AR: variants seen among roughly 807,000 people sequenced by gnomAD.
AR encodes dihydrotestosterone receptor.
A neutral mutation model predicts 53.9 loss-of-function variants in AR; 8 were observed. The observed-to-expected ratio is 0.15, with a 90% CI of 0.09 to 0.27. The LOEUF (loss-of-function observed/expected upper bound fraction) is 0.27. Ranked by LOEUF, AR falls within the 10% of genes least tolerant of loss-of-function variation. AR has a pLI of 1.00. For synonymous variants in AR, 359 were observed against 316.4 expected, an observed-to-expected ratio of 1.13 and a Z score of -1.43; for missense variants, 639 against 742.5, an observed-to-expected ratio of 0.86 and a Z score of 1.62.
intron 1 of AR, among the ~76,000 whole-genome samples, chrX:67,629,167 G>A (rs1360385436): frequency 9.1e-6 from 1 of 110,172 alleles, no homozygotes; most frequent in African/African-American, 3.3e-5. Context: ...GAGTTAGGGA[G>A]GATTCCCTCT....
At chrX:67,569,078 G>T (rs1921687893) in intron 1 of AR, 6 of 1,158,705 alleles carry the variant, frequency 5.2e-6, no homozygotes, top group South Asian at 1.8e-5. Context: ...AGTGAGTGTT[G>T]TAAGGTTTGG....
chrX:67,545,969 G>A lies in AR; in HGVS notation c.823G>A (p.Val275Ile), dbSNP rs2147318638. 1 of 1,212,443 alleles carries A rather than the reference G, an allele frequency of 8.2e-7. No individual in the cohort carries two copies. The highest frequency in any genetic ancestry group is 1.1e-6 in the Non-Finnish European group (1 of 895,654). The part of the protein sequence containing the change: ...GDCMYAPLLG[V>I]PPAVRPTPCA... ...TTGCATGTACGCCCCACTTTTGGGA[G>A]TTCCACCCGCTGTGCGTCCCACTCC... Residue 275 changes from valine to isoleucine, a missense_variant, in exon 1 of 8, where the codon GTT becomes ATT. Val to Ile is a conservative substitution (Grantham distance 29). Transcript: ENST00000374690.
chrX:67,641,986 A>G (rs1925799849), intron 1 of AR, among the ~76,000 whole-genome samples: 1 of 110,386 alleles, frequency 9.1e-6, no homozygotes, highest in Non-Finnish European at 1.9e-5. Flanking sequence ...TTGTAATCAA[A>G]TTGTCCTGCA....
Position 67,544,790 on chromosome X carries a change from A to G in AR, c.-357A>G. ...GCCGAAATAAAAGAAAAAGATAATA[A>G]CTCAGTTCTTATTTGCACCTACTTC... On this transcript the variant is annotated 5_prime_UTR_variant, in exon 1 of 8. Transcript: ENST00000374690. The G allele has an allele frequency of 5.0e-6, 1 of 201,059 alleles. No homozygotes were observed. Among genetic ancestry groups the G allele is most frequent in the Non-Finnish European group, 9.1e-6 (1 of 109,476 alleles). The allele number at this position is 201,059 out of a possible 1,213,427, so 16.6% of individuals were successfully genotyped here.
intron 1 of AR, among the ~76,000 whole-genome samples, chrX:67,633,913 G>A (rs1029782363): frequency 3.6e-5 from 4 of 111,943 alleles, no homozygotes; most frequent in Admixed American, 9.5e-5. Flanking sequence ...GGAGGAGACA[G>A]TATGAGGAGT....
chrX:67,699,678 A>G (rs60244621), intron 3 of AR, among the ~76,000 whole-genome samples: 15,787 of 109,861 alleles, frequency 0.14, 1,606 homozygotes, highest in African/African-American at 0.34. Flanking sequence ...AATCTCGGGG[A>G]CCGTCTTAGA....
chrX:67,664,831 C>G (rs996152865), intron 2 of AR, among the ~76,000 whole-genome samples: 1 of 112,571 alleles, frequency 8.9e-6, no homozygotes, highest in Non-Finnish European at 1.9e-5. Context: ...ACCCCTCCCC[C>G]AGCCTCGCTG....
intron 3 of AR, among the ~76,000 whole-genome samples, chrX:67,700,887 T>C (rs150392223): frequency 5.6e-4 from 63 of 112,189 alleles, no homozygotes; most frequent in African/African-American, 1.9e-3. Flanking sequence ...GATCTCACTG[T>C]CACCAATTGC....
At position 67,663,192 on chromosome X, in the gene AR, G is replaced by C. The variant is rs188608612; in HGVS notation, c.1768+19785G>C. On this transcript the variant is annotated intron_variant, in intron 2 of 7. Coordinates refer to ENST00000374690, the MANE Select transcript of AR (RefSeq NM_000044.6). ...ATGATGTTAGCTGGTTATTTTGCTC[G>C]TTAGTTGATGCAGTTTCTTCCTAGC... Among the ~76,000 whole-genome samples the C allele has an allele frequency of 3.2e-4, 36 of 111,534 alleles. 2 individuals are homozygous for C. The highest frequency in any genetic ancestry group is 3.0e-3 in the Admixed American group (31 of 10,467).
At chrX:67,694,415 A>G (rs1199338768) in intron 3 of AR, among the ~76,000 whole-genome samples, 2 of 109,863 alleles carry the variant, frequency 1.8e-5, no homozygotes, top group Non-Finnish European at 3.8e-5. Flanking sequence ...ATGTATATAT[A>G]TAGTATATTT....
intron 1 of AR, among the ~76,000 whole-genome samples, chrX:67,556,877 A>T (rs2061787285): frequency 9.0e-6 from 1 of 111,462 alleles, no homozygotes; most frequent in South Asian, 3.8e-4. Context: ...ACTTGCTGTG[A>T]TGGAGGACAA....
Position 67,545,198 on chromosome X carries a change from AC to A in AR, c.54del (p.Tyr19ThrfsTer15), listed in dbSNP as rs1929641149. On this transcript the variant is annotated frameshift_variant, in exon 1 of 8. Coordinates refer to ENST00000374690, the MANE Select transcript of AR (RefSeq NM_000044.6). LOFTEE classifies it high-confidence loss of function. ...GRVYPRPPSK[T>X]YRGAFQNLFQ... Reference sequence around the variant, plus strand: ...GGTCTACCCTCGGCCGCCGTCCAAGACCTACCGAGGAGCTTTCCAGAATCTG... The same window carrying A: ...GGTCTACCCTCGGCCGCCGTCCAAGACTACCGAGGAGCTTTCCAGAATCTG... 8.3e-7 allele frequency: 1 copy of A among 1,204,365 alleles called. No homozygotes were observed. Among genetic ancestry groups the A allele is most frequent in the African/African-American group, 1.8e-5 (1 of 56,330 alleles).
intron 1 of AR, among the ~76,000 whole-genome samples, chrX:67,615,600 G>T (rs757954143): frequency 2.7e-5 from 3 of 110,773 alleles, no homozygotes; most frequent in South Asian, 7.5e-4. Context: ...GCTTTAATCT[G>T]CATGAAAAAA....
chrX:67,552,406 A>G (rs1210284911), intron 1 of AR, among the ~76,000 whole-genome samples: 3 of 112,365 alleles, frequency 2.7e-5, no homozygotes, highest in African/African-American at 9.7e-5. Flanking sequence ...ACCACATTCT[A>G]TCTATCCATT....
intron 1 of AR, among the ~76,000 whole-genome samples, chrX:67,573,171 A>G (rs1311433036): frequency 9.0e-6 from 1 of 111,352 alleles, no homozygotes. Context: ...TCTACAAAGC[A>G]GAAACTGGAG....
intron 1 of AR, among the ~76,000 whole-genome samples, chrX:67,615,602 A>G (rs1459877065): frequency 9.0e-6 from 1 of 111,563 alleles, no homozygotes; most frequent in African/African-American, 3.3e-5. Flanking sequence ...TTTAATCTGC[A>G]TGAAAAAAAA....
chrX:67,711,293 C>A, intron 3 of AR, 109 bp from the exon 4 acceptor site: 1 of 854,390 alleles, frequency 1.2e-6, no homozygotes, highest in Admixed American at 2.6e-5. Context: ...AGTCTGTGAC[C>A]AGGGAGAATG....
chrX:67,634,268 C>T (rs1248984380), intron 1 of AR, among the ~76,000 whole-genome samples: 1 of 111,155 alleles, frequency 9.0e-6, no homozygotes, highest in Non-Finnish European at 1.9e-5. Context: ...TGATACCTAC[C>T]TCAGTGGTAC....
chrX:67,560,729 C>A (rs773604588), intron 1 of AR, among the ~76,000 whole-genome samples: 1 of 111,457 alleles, frequency 9.0e-6, no homozygotes, highest in Non-Finnish European at 1.9e-5. Flanking sequence ...TTTAAACCAT[C>A]CTCACTCTCT....
Sources: gnomAD v4.1 joint callset for allele counts (sites outside exome capture counted in the v4.1 genomes callset) on GRCh38, gnomAD v4.1.1 for gene constraint, MANE v1.5 for transcripts, NCBI Gene and HGNC (gene_info 2026-07-23, HGNC 2026-07-21) for gene names.